The following ALDH4A1 variants were observed in gnomAD, a reference collection of about 807,000 sequenced individuals.
ALDH4A1 encodes the protein delta-1-pyrroline-5-carboxylate dehydrogenase, mitochondrial.
In ALDH4A1, 46 loss-of-function variants were observed where a neutral mutation model predicts 70.5. The ratio of observed to expected loss-of-function variants is 0.65; its 90% CI spans 0.51 to 0.83. ALDH4A1 has a LOEUF of 0.83. Ranked by LOEUF, ALDH4A1 falls within the 40% of genes least tolerant of loss-of-function variation. The probability of loss-of-function intolerance (pLI) is 0.00; values close to 1 mark genes in which losing one functional copy is unlikely to be tolerated. For synonymous variants in ALDH4A1, 323 were observed against 324.3 expected (o/e 1.00, Z 0.04); for missense variants, 749 against 766.5 (o/e 0.98, Z 0.27).
intron 5 of ALDH4A1, among the ~76,000 whole-genome samples, chr1:18,883,693 T>G (rs1433139757): frequency 6.6e-6 from 1 of 152,214 alleles, no homozygotes; most frequent in Non-Finnish European, 1.5e-5. Flanking sequence ...GCCAGGTACT[T>G]GCCATGCACT....
chr1:18,895,606 G>T (rs1301553078), intron 1 of ALDH4A1, among the ~76,000 whole-genome samples: 2 of 152,214 alleles, frequency 1.3e-5, no homozygotes, highest in Admixed American at 1.3e-4. Flanking sequence ...AGATGTCAGG[G>T]TTGCAAGTAC....
intron 12 of ALDH4A1, among the ~76,000 whole-genome samples, chr1:18,875,888 A>G (rs987448669): frequency 1.3e-5 from 2 of 152,124 alleles, no homozygotes; most frequent in African/African-American, 2.4e-5. Context: ...GCTGGGGGGA[A>G]GATCTTCTCA....
intron 12 of ALDH4A1, 85 bp from the exon 13 acceptor site, chr1:18,875,588 C>A (rs1350664997): frequency 1.2e-6 from 2 of 1,602,016 alleles, no homozygotes; most frequent in South Asian, 1.1e-5. Context: ...CTCTGGCTCA[C>A]CCTCTCCCCA....
At chr1:18,877,752 T>TC in intron 9 of ALDH4A1, 140 bp from the exon 10 acceptor site, 1 of 1,046,132 alleles carries the variant, frequency 9.6e-7, no homozygotes, top group Non-Finnish European at 1.4e-6. Context: ...AGGCTCAGAG[T>TC]GAGCGCTGGC....
rs560797409 is a variant in ALDH4A1 at position 18,880,325 on chromosome 1, G to A, written c.867-952C>T. Among the ~76,000 whole-genome samples the A allele has an allele frequency of 3.3e-5, 5 of 151,836 alleles. No homozygotes were observed. Among genetic ancestry groups the A allele is most frequent in the East Asian group, 1.9e-4 (1 of 5,170 alleles). On this transcript the variant is annotated intron_variant, in intron 8 of 14. Coordinates refer to ENST00000375341, the MANE Select transcript of ALDH4A1 (RefSeq NM_003748.4). This position sits in a 1 kb window ranked among gnomAD's most constrained non-coding sequence, Gnocchi z 5.1. ...ACCAACAGGAGATTCATCTTCCCCC[G>A]AGCCCGCTCGCCCTCCCAGGTGCCC...
Position 18,880,781 on chromosome 1 carries a change from G to A in ALDH4A1, c.866+919C>T, listed in dbSNP as rs1217536357. On this transcript the variant is annotated intron_variant, in intron 8 of 14. Transcript: ENST00000375341. The surrounding 1 kb of genome is among the most constrained non-coding windows in gnomAD (Gnocchi z 5.1). ...AAATTGTCCCAATTATACAAAGTTG[G>A]GCCATCACTGTTAGGAGTCAAAGAA... Among the ~76,000 whole-genome samples the A allele has an allele frequency of 2.6e-5, 4 of 152,124 alleles. No homozygotes were observed. Among genetic ancestry groups the A allele is most frequent in the African/African-American group, 9.7e-5 (4 of 41,412 alleles).
intron 5 of ALDH4A1, 34 bp downstream of exon 5, chr1:18,885,439 C>CCCCCCCCCCCCCCCCCCCCCCCCCCCA: frequency 3.1e-6 from 2 of 649,310 alleles, no homozygotes; most frequent in Non-Finnish European, 5.6e-6. Flanking sequence ...CCACCCCACC[C>CCCCCCCCCCCCCCCCCCCCCCCCCCCA]CGCCCCACCC....
rs993547602 is a variant in ALDH4A1, at chr1:18,889,915, G to A, written c.156+97C>T. 5.4e-5 allele frequency: 58 copies of A among 1,075,808 alleles called. 1 individual carries two copies. In the Admixed American group the frequency reaches 1.1e-3, roughly 21 times the overall value. The allele number at this position is 1,075,808 out of a possible 1,614,324, so 66.6% of individuals were successfully genotyped here. On this transcript the variant is annotated intron_variant, in intron 2 of 14. Transcript: ENST00000375341. ...AGGCTGGGAGCAAGGGTAGAAGCGGGTGATGGCTGCAGGCACGGGGCGCTA... is the reference window on the plus strand; with the variant it reads ...AGGCTGGGAGCAAGGGTAGAAGCGGATGATGGCTGCAGGCACGGGGCGCTA...
At position 18,885,481 on chromosome 1, in the gene ALDH4A1, C is replaced by A; in HGVS notation, c.445G>T (p.Val149Leu). Residue 149 changes from valine to leucine, a missense_variant, in exon 5 of 15, where the codon GTG becomes TTG. Physicochemically the swap from Val to Leu is conservative, Grantham distance 32. Coordinates refer to ENST00000375341, the MANE Select transcript of ALDH4A1 (RefSeq NM_003748.4). ...GCCCACCAGCACCTCACCTGTCCCA[C>A]CATGGTCTTGGCGAGGATCTCAGCC... ...RRAEILAKTM[V>L]GQGKTVIQAE... is the part of the protein sequence containing the mutation. The A allele has an allele frequency of 6.4e-7, 1 of 1,553,056 alleles. No individual in the cohort carries two copies.
intron 1 of ALDH4A1, among the ~76,000 whole-genome samples, chr1:18,900,016 C>A (rs1935748219): frequency 6.6e-6 from 1 of 152,060 alleles, no homozygotes; most frequent in Non-Finnish European, 1.5e-5. Context: ...TTTTTAAAAG[C>A]ATATCTATTC....
chr1:18,888,965 T>A (rs539365307), intron 3 of ALDH4A1, among the ~76,000 whole-genome samples: 1 of 152,338 alleles, frequency 6.6e-6, no homozygotes, highest in African/African-American at 2.4e-5. Flanking sequence ...CTGGCCCACG[T>A]AAAGTGCATG....
chr1:18,887,719 C>T (rs1344809567), intron 3 of ALDH4A1, among the ~76,000 whole-genome samples: 1 of 152,208 alleles, frequency 6.6e-6, no homozygotes, highest in Non-Finnish European at 1.5e-5. Flanking sequence ...CAATATCCTG[C>T]CAGGCAGCAA....
At chr1:18,882,702 CATGCCGTGCTTG>C (rs1935029975) in intron 7 of ALDH4A1, 2 of 556,432 alleles carry the variant, frequency 3.6e-6, no homozygotes. Flanking sequence ...AGATCATCTC[CATGCCGTGCTTG>C]ACAGCAGCAG....
In ALDH4A1 at chr1:18,889,387, G is replaced by A. The variant is rs780508077; in HGVS notation, c.224C>T (p.Thr75Met). The A allele has an allele frequency of 1.1e-5, 17 of 1,552,618 alleles. No homozygotes were observed. The highest frequency in any genetic ancestry group is 2.4e-5 in the South Asian group (2 of 84,116). Reference protein sequence around the residue: ...PCVVGDEEVWTSDVQYQVSPF... With the variant: ...PCVVGDEEVWMSDVQYQVSPF... Reference sequence around the variant, plus strand: ...CGACACTTGGTACTGCACGTCCGACGTCCACACCTCCTCATCCCCCACCAC... The same window carrying A: ...CGACACTTGGTACTGCACGTCCGACATCCACACCTCCTCATCCCCCACCAC... Residue 75 changes from threonine to methionine, a missense_variant, in exon 3 of 15, where the codon ACG (threonine) becomes ATG (methionine). Coordinates refer to ENST00000375341, the MANE Select transcript of ALDH4A1 (RefSeq NM_003748.4).
In ALDH4A1 at chr1:18,872,774, G is replaced by C; in HGVS notation, c.*71C>G. 1 of 1,152,874 alleles carries C rather than the reference G, an allele frequency of 8.7e-7. No homozygotes were observed. 71.4% of individuals were successfully genotyped at this position (1,152,874 alleles called of 1,614,324 possible). A position where few individuals can be genotyped will look rare whatever the true frequency, so the allele number is the denominator to read the frequency against. Reference sequence around the variant, plus strand: ...GCATGAAGAAGGGGTGGAGGGGCTGGAGTGGGGTCTGTGCAGTGAGGTCGG... The same window carrying C: ...GCATGAAGAAGGGGTGGAGGGGCTGCAGTGGGGTCTGTGCAGTGAGGTCGG... On this transcript the variant is annotated 3_prime_UTR_variant, in exon 15 of 15. Transcript: ENST00000375341.
chr1:18,875,701 G>C (rs1262061127), intron 12 of ALDH4A1, among the ~76,000 whole-genome samples, 198 bp from the exon 13 acceptor site: 1 of 152,118 alleles, frequency 6.6e-6, no homozygotes, highest in Non-Finnish European at 1.5e-5. Flanking sequence ...TCCCTGTCCT[G>C]TCCATCCCAC....
chr1:18,882,162 A>C (rs944793132), intron 7 of ALDH4A1, among the ~76,000 whole-genome samples: 7 of 152,150 alleles, frequency 4.6e-5, no homozygotes, highest in Non-Finnish European at 1.0e-4. Flanking sequence ...GCCATCACCT[A>C]GGCAGGTCTG....
chr1:18,897,312 G>A (rs1935655350), intron 1 of ALDH4A1, among the ~76,000 whole-genome samples: 1 of 152,226 alleles, frequency 6.6e-6, no homozygotes, highest in Admixed American at 6.5e-5. Context: ...GGAGGCGGAA[G>A]AGGGCGGATC....
intron 5 of ALDH4A1, 29 bp downstream of exon 5, chr1:18,885,444 C>CG: frequency 1.1e-6 from 1 of 902,252 alleles, no homozygotes; most frequent in Non-Finnish European, 1.7e-6. Flanking sequence ...CCACCCCGCC[C>CG]CACCCACCCG....
Sources: gnomAD v4.1 joint callset for allele counts (sites outside exome capture counted in the v4.1 genomes callset) on GRCh38, gnomAD v4.1.1 for gene constraint, Gnocchi (gnomAD v3.1) non-coding constraint, MANE v1.5 for transcripts, NCBI Gene and HGNC (gene_info 2026-07-23, HGNC 2026-07-21) for gene names.